HHIP: variants seen among roughly 807,000 people sequenced by gnomAD.
HHIP encodes hedgehog-interacting protein.
Under a neutral mutation model 74.0 loss-of-function variants are expected in HHIP, and 12 were observed. That is an observed-to-expected ratio of 0.16 (90% CI 0.10 to 0.26). The LOEUF (loss-of-function observed/expected upper bound fraction) is 0.26. Among genes scored for constraint, HHIP ranks in the 10% least tolerant of loss-of-function variants. The pLI, the probability that HHIP is intolerant of heterozygous loss-of-function variation, is 1.00. For synonymous variants in HHIP, 309 were observed against 311.6 expected (o/e 0.99, Z 0.09); for missense variants, 788 against 845.0 (o/e 0.93, Z 0.84).
At chr4:144,652,538 A>C (rs1407249507) in intron 1 of HHIP, 67 bp from the exon 2 acceptor site, 16 of 1,000,822 alleles carry the variant, frequency 1.6e-5, no homozygotes, top group Non-Finnish European at 2.4e-5. Context: ...ATTGCAAAAA[A>C]TAATAATAAT....
chr4:144,734,553 A>C (rs993058247), intron 11 of HHIP, among the ~76,000 whole-genome samples, 188 bp from the exon 12 acceptor site: 1 of 151,790 alleles, frequency 6.6e-6, no homozygotes, highest in African/African-American at 2.4e-5. Context: ...CAAACTGGTT[A>C]GTTTGTTTCC....
At chr4:144,652,294 TG>T (rs1214613588) in intron 1 of HHIP, among the ~76,000 whole-genome samples, 2 of 152,042 alleles carry the variant, frequency 1.3e-5, no homozygotes, top group Non-Finnish European at 2.9e-5. Flanking sequence ...CAGAATGAAG[TG>T]ATAAAGGCTT....
rs1560729199 is a variant in HHIP at position 144,742,997 on chromosome 4, TA to T, written c.*5042del. 3.2e-3 allele frequency: 2 copies of T among 632 alleles called. No homozygotes were observed. Among genetic ancestry groups the T allele is most frequent in the Non-Finnish European group, 0.013 (2 of 154 alleles). The allele number at this position is 632 out of a possible 1,614,324, so 0.0% of individuals were successfully genotyped here. ...TATATATATATACATTATATATATA[TA>T]ATATATATATATTATATATATATAA... is the stretch of plus-strand genomic sequence containing the variant. On this transcript the variant is annotated 3_prime_UTR_variant, in exon 13 of 13. Coordinates refer to ENST00000296575, the MANE Select transcript of HHIP (RefSeq NM_022475.3).
At chr4:144,707,587 C>T (rs1447866795) in intron 6 of HHIP, among the ~76,000 whole-genome samples, 1 of 122,892 alleles carries the variant, frequency 8.1e-6, no homozygotes, top group Admixed American at 1.1e-4. Flanking sequence ...GCCCAGCGAA[C>T]CTTCCTGGGA....
At position 144,674,598 on chromosome 4, in the gene HHIP, TA is replaced by T. The variant is rs566838063; in HGVS notation, c.831+14769del. Among the ~76,000 whole-genome samples, 847 of 150,958 alleles carry T rather than the reference TA, an allele frequency of 5.6e-3. 4 individuals are homozygous for T. Among genetic ancestry groups the T allele is most frequent in the African/African-American group, 7.7e-3 (319 of 41,164 alleles). On this transcript the variant is annotated intron_variant, in intron 4 of 12. Transcript: ENST00000296575. ...CGTTCTCTATTTGGATTGCTGGAGT[TA>T]AAAAAAAACGAATAAATCAATTAAA...
chr4:144,668,904 G>A lies in HHIP; in HGVS notation c.831+9066G>A, dbSNP rs149686845. On this transcript the variant is annotated intron_variant, in intron 4 of 12. Coordinates refer to ENST00000296575, the MANE Select transcript of HHIP (RefSeq NM_022475.3). Reference sequence around the variant, plus strand: ...TGTAAGCAAATTTGCTCTTTGGTTTGTGTCTACCTTTCTATGACCAACTTT... The same window carrying A: ...TGTAAGCAAATTTGCTCTTTGGTTTATGTCTACCTTTCTATGACCAACTTT... Among the ~76,000 whole-genome samples the A allele has an allele frequency of 2.6e-3, 398 of 152,116 alleles. 11 individuals are homozygous for A. The highest frequency in any genetic ancestry group is 0.023 in the Admixed American group (352 of 15,272).
At position 144,646,836 on chromosome 4, in the gene HHIP, G is replaced by T; in HGVS notation, c.161G>T (p.Arg54Met). Residue 54 changes from arginine (R) to methionine (M), a missense_variant, in exon 1 of 13, where the codon AGG becomes ATG. By Grantham distance (91) the Arg-to-Met change is moderately conservative. This residue lies in a region of HHIP where 373 missense variants were observed against 366.4 expected (regional missense o/e 1.02). Transcript: ENST00000296575. ...AAGCGCCTGAAAAGGAGAGACAGGA[G>T]GATGATGTCCCAGCTGGAGCTGCTG... ...PPKRLKRRDR[R>M]MMSQLELLSG... is the part of the protein sequence containing the mutation. 1 of 1,614,256 alleles carries T rather than the reference G, an allele frequency of 6.2e-7. No individual in the cohort carries two copies.
At chr4:144,737,132 A>G (rs1731142381) in intron 12 of HHIP, among the ~76,000 whole-genome samples, 1 of 152,246 alleles carries the variant, frequency 6.6e-6, no homozygotes. Flanking sequence ...GCTGTAGGGT[A>G]ACCCTGAAAA....
chr4:144,670,584 C>G (rs1455807729), intron 4 of HHIP, among the ~76,000 whole-genome samples: 1 of 150,226 alleles, frequency 6.7e-6, no homozygotes, highest in Non-Finnish European at 1.5e-5. Context: ...AACTTTGATC[C>G]AAACAGACCA....
chr4:144,724,754 G>A (rs902866501), intron 11 of HHIP, among the ~76,000 whole-genome samples: 1 of 148,878 alleles, frequency 6.7e-6, no homozygotes, highest in African/African-American at 2.5e-5. Flanking sequence ...CTGGAAATGT[G>A]ACATATGACC....
chr4:144,651,433 A>G (rs776676909), intron 1 of HHIP, among the ~76,000 whole-genome samples: 21 of 152,034 alleles, frequency 1.4e-4, no homozygotes, highest in Admixed American at 4.6e-4. Context: ...GACCTAGAAT[A>G]TCATTATCCC....
At chr4:144,673,243 G>T (rs1339674850) in intron 4 of HHIP, among the ~76,000 whole-genome samples, 1 of 152,196 alleles carries the variant, frequency 6.6e-6, no homozygotes, top group Non-Finnish European at 1.5e-5. Context: ...ATACTTGAAA[G>T]AATATTGCAA....
At chr4:144,681,421 CTTTTT>C (rs139951678) in intron 4 of HHIP, among the ~76,000 whole-genome samples, 4 of 101,448 alleles carry the variant, frequency 3.9e-5, no homozygotes, top group Non-Finnish European at 5.9e-5. Flanking sequence ...TTGCAGAGTT[CTTTTT>C]TTTTTTTTTT....
At chr4:144,736,154 G>A (rs1383045220) in intron 12 of HHIP, among the ~76,000 whole-genome samples, 1 of 30,380 alleles carries the variant, frequency 3.3e-5, no homozygotes, top group Non-Finnish European at 7.2e-5. Flanking sequence ...TTTTTTTTTT[G>A]AGGTGGAGTC....
Position 144,734,898 on chromosome 4 carries a change from T to C in HHIP, c.1909+9T>C. On this transcript the variant is annotated intron_variant, in intron 12 of 12. Transcript: ENST00000296575. Reference sequence around the variant, plus strand: ...GGACTTCTGCAGAACTGGTTAGTATTTCTGTTTTCACCTGAAAAGGACTGG... The same window carrying C: ...GGACTTCTGCAGAACTGGTTAGTATCTCTGTTTTCACCTGAAAAGGACTGG... 6.3e-7 allele frequency: 1 copy of C among 1,595,028 alleles called. No homozygotes were observed. Among genetic ancestry groups the C allele is most frequent in the Non-Finnish European group, 8.6e-7 (1 of 1,164,470 alleles).
intron 2 of HHIP, among the ~76,000 whole-genome samples, chr4:144,656,056 C>T (rs999181695): frequency 5.9e-5 from 9 of 152,252 alleles, no homozygotes; most frequent in Non-Finnish European, 1.3e-4. Context: ...GTGAGCTAAA[C>T]ATGCACTTTC....
chr4:144,673,430 T>A (rs2126610018), intron 4 of HHIP, among the ~76,000 whole-genome samples: 1 of 152,306 alleles, frequency 6.6e-6, no homozygotes, highest in South Asian at 2.1e-4. Context: ...GGTAATGTAA[T>A]GAAGAGGGCT....
chr4:144,708,340 G>T, intron 7 of HHIP, 29 bp downstream of exon 7: 1 of 1,612,922 alleles, frequency 6.2e-7, no homozygotes, highest in South Asian at 1.1e-5. Context: ...CTTCTCACTG[G>T]CTTTTAAGCC....
intron 4 of HHIP, among the ~76,000 whole-genome samples, chr4:144,662,312 A>T (rs889362435): frequency 3.9e-5 from 6 of 152,166 alleles, no homozygotes; most frequent in Non-Finnish European, 8.8e-5. Flanking sequence ...GCCAATCATA[A>T]GGGAACTTGG....
Sources: allele counts gnomAD v4.1 joint callset (sites outside exome capture counted in the v4.1 genomes callset), GRCh38; gene constraint gnomAD v4.1.1; regional missense constraint gnomAD v4.1.1; transcripts MANE v1.5; gene names NCBI Gene and HGNC (gene_info 2026-07-23, HGNC 2026-07-21).